The following BRD10 variants were observed in gnomAD, a reference collection of about 807,000 sequenced individuals.
BRD10 encodes bromodomain containing 10, also known as uncharacterized bromodomain-containing protein 10.
the BRD10 span, among the ~76,000 whole-genome samples, chr9:5,960,182 T>C: frequency 6.6e-6 from 1 of 152,188 alleles, no homozygotes; most frequent in Non-Finnish European, 1.5e-5. Flanking sequence ...TTTAACTTAG[T>C]TTTTTCACCT....
the BRD10 span, among the ~76,000 whole-genome samples, chr9:5,953,791 A>G: frequency 2.0e-5 from 3 of 152,064 alleles, no homozygotes; most frequent in Non-Finnish European, 4.4e-5. Context: ...GATATAAAAA[A>G]GGGTTTTTAT....
chr9:5,975,305 G>A, the BRD10 span, among the ~76,000 whole-genome samples: 8 of 151,880 alleles, frequency 5.3e-5, no homozygotes, highest in African/African-American at 1.5e-4. Context: ...TGGGCGTGGT[G>A]GTGCATGCCT....
At chr9:5,944,668 A>AT in the BRD10 span, among the ~76,000 whole-genome samples, 1 of 152,130 alleles carries the variant, frequency 6.6e-6, no homozygotes, top group Non-Finnish European at 1.5e-5. Flanking sequence ...AACAAAATTA[A>AT]TTTAACAGCC....
chr9:5,954,238 A>C, the BRD10 span: 1 of 605,182 alleles, frequency 1.7e-6, no homozygotes, highest in Non-Finnish European at 2.9e-6. Flanking sequence ...GAATCAAAAC[A>C]AGCCCCAGTA....
chr9:5,954,621 T>C, the BRD10 span, among the ~76,000 whole-genome samples: 1 of 152,196 alleles, frequency 6.6e-6, no homozygotes, highest in Non-Finnish European at 1.5e-5. Context: ...GCGGTATCAA[T>C]ACCCAAAGTT....
At chr9:5,995,497 A>C in the BRD10 span, among the ~76,000 whole-genome samples, 1 of 152,214 alleles carries the variant, frequency 6.6e-6, no homozygotes, top group African/African-American at 2.4e-5. Flanking sequence ...TTAGCATATA[A>C]ACAAGTCCAA....
the BRD10 span, among the ~76,000 whole-genome samples, chr9:5,930,969 T>A: frequency 5.3e-5 from 8 of 152,204 alleles, no homozygotes; most frequent in Non-Finnish European, 7.3e-5. Flanking sequence ...CTCAACTATT[T>A]GGCTTCAAGA....
chr9:5,944,997 T>G, the BRD10 span: 2 of 1,103,988 alleles, frequency 1.8e-6, no homozygotes, highest in Non-Finnish European at 2.6e-6. Context: ...TGATAACACA[T>G]AATATAAAAC....
the BRD10 span, among the ~76,000 whole-genome samples, chr9:5,936,180 AC>A: frequency 1.2e-4 from 19 of 152,116 alleles, no homozygotes; most frequent in African/African-American, 4.6e-4. Flanking sequence ...ACATGGCAAA[AC>A]CCTGTCTCTA....
the BRD10 span, chr9:5,914,130 C>T: frequency 7.0e-6 from 3 of 430,986 alleles, no homozygotes; most frequent in South Asian, 5.1e-5. Context: ...TTCAGGTTTT[C>T]CCAAGTGGTT....
chr9:5,885,430 G>A, the BRD10 span, among the ~76,000 whole-genome samples: 2 of 151,692 alleles, frequency 1.3e-5, no homozygotes, highest in Non-Finnish European at 2.9e-5. Context: ...CAGTGCAATG[G>A]CTCGATCTCA....
the BRD10 span, among the ~76,000 whole-genome samples, chr9:5,914,409 GGTTTTTTTTTTTTTTT>G: frequency 5.6e-5 from 6 of 106,966 alleles, no homozygotes; most frequent in South Asian, 3.3e-4. Context: ...AAATCCAGAT[GGTTTTTTTTTTTTTTT>G]TTTTTTTTTT....
chr9:5,950,307 G>T, the BRD10 span, among the ~76,000 whole-genome samples: 1 of 152,072 alleles, frequency 6.6e-6, no homozygotes, highest in East Asian at 1.9e-4. Flanking sequence ...CACCAGAAGC[G>T]ACTGACCTGC....
At chr9:5,969,431 C>T in the BRD10 span, 285 of 1,539,660 alleles carry the variant, frequency 1.9e-4, no homozygotes, top group Admixed American at 4.1e-4. Context: ...TTCCTGCTCC[C>T]GAAGCCTAAA....
chr9:5,915,121 A>G, the BRD10 span, among the ~76,000 whole-genome samples: 2 of 152,140 alleles, frequency 1.3e-5, no homozygotes, highest in African/African-American at 4.8e-5. Flanking sequence ...ATGTTTCTAA[A>G]TTTTATACAG....
the BRD10 span, among the ~76,000 whole-genome samples, chr9:5,923,614 A>G: frequency 1.1e-4 from 17 of 152,230 alleles, no homozygotes; most frequent in African/African-American, 4.1e-4. Context: ...CTGTTTCATT[A>G]GAAATACCCA....
the BRD10 span, among the ~76,000 whole-genome samples, chr9:6,001,031 A>G: frequency 6.6e-6 from 1 of 152,158 alleles, no homozygotes; most frequent in South Asian, 2.1e-4. Flanking sequence ...CTTCAAATGA[A>G]TGCCTCCTCT....
At chr9:5,939,800 T>A in the BRD10 span, among the ~76,000 whole-genome samples, 9 of 152,198 alleles carry the variant, frequency 5.9e-5, no homozygotes, top group African/African-American at 1.9e-4. Context: ...CACTGTAGGA[T>A]CATTACAGTG....
the BRD10 span, among the ~76,000 whole-genome samples, chr9:5,939,154 T>A: frequency 6.6e-6 from 1 of 152,138 alleles, no homozygotes; most frequent in African/African-American, 2.4e-5. Flanking sequence ...AATAATTTCT[T>A]TGCCTCATAT....
Sources: gnomAD v4.1 joint callset for allele counts (sites outside exome capture counted in the v4.1 genomes callset) on GRCh38, gnomAD v4.1.1 for gene constraint, MANE v1.5 for transcripts, NCBI Gene and HGNC (gene_info 2026-07-23, HGNC 2026-07-21) for gene names.